The following TYW1 variants were observed in gnomAD, a reference collection of about 807,000 sequenced individuals.
TYW1 encodes the protein tRNA-yW synthesizing protein 1 homolog, also known as S-adenosyl-L-methionine-dependent tRNA 4-demethylwyosine synthase TYW1.
TYW1 carries 46 observed loss-of-function variants against 96.2 expected under a neutral mutation model. The ratio of observed to expected loss-of-function variants is 0.48; its 90% CI spans 0.38 to 0.61. The LOEUF (loss-of-function observed/expected upper bound fraction) is 0.61, where lower values mean the gene tolerates loss of function less well. Among genes scored for constraint, TYW1 ranks in the 20% least tolerant of loss-of-function variants. The pLI is 0.00. For synonymous variants in TYW1, 274 were observed against 323.0 expected (o/e 0.85, Z 1.63); for missense variants, 684 against 909.6 (o/e 0.75, Z 3.19).
At chr7:67,100,391 A>T (rs1797049372) in intron 12 of TYW1, among the ~76,000 whole-genome samples, 1 of 150,796 alleles carries the variant, frequency 6.6e-6, no homozygotes, top group Non-Finnish European at 1.5e-5. Flanking sequence ...AAGTTCCTTG[A>T]GGTCAAGACC....
intron 11 of TYW1, among the ~76,000 whole-genome samples, chr7:67,091,049 C>G (rs1390699602): frequency 6.6e-6 from 1 of 152,148 alleles, no homozygotes; most frequent in African/African-American, 2.4e-5. Flanking sequence ...TTTGACCCAG[C>G]CATCCCATTA....
At chr7:67,031,012 C>G (rs1027877950) in intron 7 of TYW1, among the ~76,000 whole-genome samples, 17 of 147,302 alleles carry the variant, frequency 1.2e-4, no homozygotes, top group African/African-American at 4.2e-4. Context: ...ACCAACCTGG[C>G]CAACATGGTG....
chr7:67,016,469 C>G (rs1260448299), intron 5 of TYW1, among the ~76,000 whole-genome samples: 1 of 151,900 alleles, frequency 6.6e-6, no homozygotes, highest in African/African-American at 2.4e-5. Flanking sequence ...ATCACTTGAA[C>G]CCGGGAGGTA....
At chr7:67,227,382 A>G (rs1162005779) in intron 15 of TYW1, among the ~76,000 whole-genome samples, 2 of 152,016 alleles carry the variant, frequency 1.3e-5, no homozygotes, top group Admixed American at 6.6e-5. Flanking sequence ...TCAGCCTCCT[A>G]CGTAGCTGGG....
intron 6 of TYW1, among the ~76,000 whole-genome samples, 163 bp from the exon 7 acceptor site, chr7:67,024,737 C>T (rs566156568): frequency 6.2e-4 from 93 of 150,682 alleles, no homozygotes; most frequent in African/African-American, 2.1e-3. Context: ...GCTGAGATGA[C>T]GCCACTGTGC....
At chr7:67,093,322 G>A (rs1002064581) in intron 11 of TYW1, among the ~76,000 whole-genome samples, 8 of 152,206 alleles carry the variant, frequency 5.3e-5, no homozygotes, top group Non-Finnish European at 1.0e-4. Flanking sequence ...GTATGTGTGT[G>A]TGTAAAATCT....
At chr7:67,211,547 T>C (rs1400518500) in intron 15 of TYW1, among the ~76,000 whole-genome samples, 1 of 152,244 alleles carries the variant, frequency 6.6e-6, no homozygotes, top group Non-Finnish European at 1.5e-5. Context: ...CCTTCTCAGC[T>C]GACAGAGCAG....
chr7:67,049,908 A>T, intron 7 of TYW1, 41 bp from the exon 8 acceptor site: 2 of 1,611,934 alleles, frequency 1.2e-6, no homozygotes, highest in Non-Finnish European at 1.7e-6. Context: ...TACATTGCAC[A>T]TTACCAATTC....
intron 13 of TYW1, among the ~76,000 whole-genome samples, chr7:67,131,526 G>A (rs1166125784): frequency 1.3e-5 from 2 of 151,890 alleles, no homozygotes; most frequent in Non-Finnish European, 2.9e-5. Context: ...TGTAATTGGT[G>A]TTTATCGTTC....
chr7:67,048,872 CA>C (rs1035323478), intron 7 of TYW1, among the ~76,000 whole-genome samples: 46 of 152,286 alleles, frequency 3.0e-4, no homozygotes, highest in Admixed American at 1.3e-3. Context: ...ACTAAAAATA[CA>C]AAAAAATTAG....
intron 11 of TYW1, among the ~76,000 whole-genome samples, chr7:67,096,172 G>A (rs1180060239): frequency 1.3e-5 from 2 of 152,122 alleles, no homozygotes; most frequent in African/African-American, 2.4e-5. Flanking sequence ...GGCAGATCAC[G>A]AGGTCAGGAG....
chr7:67,013,323 G>C (rs75688407), intron 4 of TYW1, among the ~76,000 whole-genome samples: 9,556 of 149,690 alleles, frequency 0.064, 502 homozygotes, highest in East Asian at 0.3. Flanking sequence ...GGGTTTCACT[G>C]TGTTGCTTAG....
rs1259660832 is a variant in TYW1 at position 67,000,774 on chromosome 7, T to C, written c.273+1820T>C. On this transcript the variant is annotated intron_variant, in intron 3 of 15. Transcript: ENST00000359626. ...TAGTTAGTGCTTTCTAGGAAAAGAT[T>C]TTAAGGAAGGCTAGCATGAAAATAA... Among the ~76,000 whole-genome samples, 3 of 152,284 alleles carry C rather than the reference T, an allele frequency of 2.0e-5. No homozygotes were observed. In the East Asian group the frequency reaches 5.8e-4, roughly 29 times the overall value.
At chr7:67,145,078 C>T (rs138929907) in intron 13 of TYW1, among the ~76,000 whole-genome samples, 1 of 126,960 alleles carries the variant, frequency 7.9e-6, no homozygotes, top group Non-Finnish European at 1.7e-5. Flanking sequence ...CAGTTGTTAG[C>T]AGTCTTTTAC....
chr7:67,007,549 G>A (rs1439587012), intron 3 of TYW1, among the ~76,000 whole-genome samples: 1 of 152,150 alleles, frequency 6.6e-6, no homozygotes, highest in Non-Finnish European at 1.5e-5. Context: ...GAGATTACGT[G>A]TTAATGATAT....
intron 14 of TYW1, among the ~76,000 whole-genome samples, chr7:67,193,914 C>G (rs1800306144): frequency 6.6e-6 from 1 of 151,948 alleles, no homozygotes; most frequent in South Asian, 2.1e-4. Flanking sequence ...TCTCCCCACT[C>G]CCTCCAAGTT....
rs1265622377 is a variant in TYW1, at chr7:67,026,714, C to T, written c.984+1692C>T. On this transcript the variant is annotated intron_variant, in intron 7 of 15. Coordinates refer to ENST00000359626, the MANE Select transcript of TYW1 (RefSeq NM_018264.4). ...TCTGCCTATTTTTTTTTTTTTGAGA[C>T]GGAGTCTTGCTCTGTCAAGACTCCC... 1.7e-4 allele frequency among the ~76,000 whole-genome samples: 26 copies of T among 151,242 alleles called. 1 individual carries two copies. Among genetic ancestry groups the T allele is most frequent in the African/African-American group, 6.1e-4 (25 of 41,258 alleles).
chr7:67,125,931 T>G lies in TYW1; in HGVS notation c.1698+8313T>G, dbSNP rs2140565. On this transcript the variant is annotated intron_variant, in intron 13 of 15. Coordinates refer to ENST00000359626, the MANE Select transcript of TYW1 (RefSeq NM_018264.4). ...CTCTTTTTAGAGCTAAACAATATTC[T>G]GTTGTCTGGATGTACCACAGTTTAC... is the stretch of plus-strand genomic sequence containing the variant. 6.9e-3 allele frequency among the ~76,000 whole-genome samples: 1,048 copies of G among 152,050 alleles called. 10 individuals carry two copies. Among genetic ancestry groups the G allele is most frequent in the African/African-American group, 0.023 (945 of 41,402 alleles).
intron 13 of TYW1, among the ~76,000 whole-genome samples, chr7:67,122,680 T>C (rs1797794535): frequency 6.6e-6 from 1 of 152,236 alleles, no homozygotes; most frequent in Non-Finnish European, 1.5e-5. Flanking sequence ...ATCATTACAC[T>C]TCTCTGTGAT....
Sources: allele counts gnomAD v4.1 joint callset (sites outside exome capture counted in the v4.1 genomes callset), GRCh38; gene constraint gnomAD v4.1.1; transcripts MANE v1.5; gene names NCBI Gene and HGNC (gene_info 2026-07-23, HGNC 2026-07-21).